Variants in ALDH1A2 observed in about 807,000 individuals in gnomAD.
The protein encoded by ALDH1A2 is aldehyde dehydrogenase 1 family member A2, also known as retinal dehydrogenase 2.
Under a neutral mutation model 60.3 loss-of-function variants are expected in ALDH1A2, and 27 were observed. The observed-to-expected ratio is 0.45, with a 90% confidence interval of 0.33 to 0.62. ALDH1A2 has a LOEUF of 0.62. Among genes scored for constraint, ALDH1A2 ranks in the 20% least tolerant of loss-of-function variants. The pLI is 0.02. For synonymous variants in ALDH1A2, 289 were observed against 232.4 expected, an observed-to-expected ratio of 1.24 and a Z score of -2.21; for missense variants, 581 against 643.8, an observed-to-expected ratio of 0.90 and a Z score of 1.06.
At chr15:57,994,540 C>G (rs1360018547) in intron 5 of ALDH1A2, among the ~76,000 whole-genome samples, 6 of 152,104 alleles carry the variant, frequency 3.9e-5, no homozygotes, top group African/African-American at 1.4e-4. Flanking sequence ...TGTTCCAATC[C>G]AAACACTAAG....
At chr15:57,992,003 T>C (rs934860163) in intron 7 of ALDH1A2, among the ~76,000 whole-genome samples, 4 of 152,224 alleles carry the variant, frequency 2.6e-5, no homozygotes, top group African/African-American at 9.6e-5. Flanking sequence ...CCCTGCTGTT[T>C]TGGTATGGCC....
rs1326368724 is a variant in ALDH1A2 at position 57,963,971 on chromosome 15, C to T, written c.1000G>A (p.Glu334Lys). 8.1e-6 allele frequency: 13 copies of T among 1,614,184 alleles called. No homozygotes were observed. The highest frequency in any genetic ancestry group is 1.1e-5 in the Non-Finnish European group (13 of 1,180,016). Residue 334 changes from glutamate to lysine, a missense_variant, in exon 9 of 13, where the codon GAG becomes AAG. By Grantham distance (56) the Glu-to-Lys change is moderately conservative. Coordinates refer to ENST00000249750, the MANE Select transcript of ALDH1A2 (RefSeq NM_003888.4). ...SRIFVEESIY[E>K]EFVRRSVERA... is the part of the protein sequence containing the mutation. ...TCCACGCTTCTTCTCACAAACTCCT[C>T]ATAGATGGACTCCTCCACGAAGATG... is the stretch of plus-strand genomic sequence containing the variant.
intron 1 of ALDH1A2, among the ~76,000 whole-genome samples, chr15:58,058,717 A>C (rs756720265): frequency 4.0e-4 from 61 of 152,200 alleles, no homozygotes; most frequent in Non-Finnish European, 8.2e-4. Flanking sequence ...TGATAAAGAA[A>C]TACTACTTTG....
chr15:57,972,161 GAC>G, intron 7 of ALDH1A2, among the ~76,000 whole-genome samples: 1 of 143,750 alleles, frequency 7.0e-6, no homozygotes, highest in East Asian at 2.0e-4. Context: ...GACAAGACAA[GAC>G]TCACAGAGGT....
At chr15:57,975,870 CAT>C (rs1402229450) in intron 7 of ALDH1A2, among the ~76,000 whole-genome samples, 2 of 151,910 alleles carry the variant, frequency 1.3e-5, no homozygotes, top group Non-Finnish European at 2.9e-5. Flanking sequence ...CACTAGGAAA[CAT>C]GTGAGGGTGA....
chr15:57,959,005 C>G (rs1687809701), intron 12 of ALDH1A2, among the ~76,000 whole-genome samples: 1 of 152,172 alleles, frequency 6.6e-6, no homozygotes, highest in South Asian at 2.1e-4. Context: ...TAGAGCCAAA[C>G]TGTCTCCTGG....
At chr15:57,964,137 C>T in intron 8 of ALDH1A2, 68 bp from the exon 9 acceptor site, 1 of 1,554,016 alleles carries the variant, frequency 6.4e-7, no homozygotes, top group Non-Finnish European at 8.8e-7. Flanking sequence ...AAGCCGCCTC[C>T]CTCCCCTCTC....
intron 7 of ALDH1A2, among the ~76,000 whole-genome samples, chr15:57,987,222 A>T (rs1311419036): frequency 6.6e-6 from 1 of 152,162 alleles, no homozygotes; most frequent in Non-Finnish European, 1.5e-5. Context: ...ACATATCTGT[A>T]AACAGAAGGC....
At chr15:58,014,938 TCTCC>T (rs1786054911) in intron 1 of ALDH1A2, among the ~76,000 whole-genome samples, 1 of 152,158 alleles carries the variant, frequency 6.6e-6, no homozygotes, top group South Asian at 2.1e-4. Flanking sequence ...AAAGGCTTGG[TCTCC>T]CTATGTATGA....
intron 1 of ALDH1A2, among the ~76,000 whole-genome samples, chr15:58,021,367 A>T (rs1181241813): frequency 1.3e-5 from 2 of 152,186 alleles, no homozygotes; most frequent in African/African-American, 4.8e-5. Context: ...AAGCACCAAA[A>T]GTAAGAAAAG....
At chr15:57,961,362 T>C (rs1369028008) in intron 10 of ALDH1A2, 68 bp from the exon 11 acceptor site, 5 of 1,564,284 alleles carry the variant, frequency 3.2e-6, no homozygotes, top group Non-Finnish European at 4.4e-6. Flanking sequence ...CACATTTCAA[T>C]GCAAGTTTAC....
chr15:57,968,936 C>T (rs566833063), intron 7 of ALDH1A2, among the ~76,000 whole-genome samples: 2 of 152,364 alleles, frequency 1.3e-5, no homozygotes, highest in South Asian at 4.1e-4. Context: ...ATTTTCCTTG[C>T]ATCAATGCTT....
At chr15:57,992,184 G>A (rs994742779) in intron 7 of ALDH1A2, among the ~76,000 whole-genome samples, 1 of 152,122 alleles carries the variant, frequency 6.6e-6, no homozygotes, top group Non-Finnish European at 1.5e-5. Flanking sequence ...TGATACTATG[G>A]CATGGCTGAG....
chr15:57,983,533 T>C (rs1207520641), intron 7 of ALDH1A2, among the ~76,000 whole-genome samples: 2 of 152,204 alleles, frequency 1.3e-5, no homozygotes, highest in Non-Finnish European at 2.9e-5. Context: ...CTTAAAATAC[T>C]TTTATCTTTG....
chr15:57,985,161 C>T (rs2140480152), intron 7 of ALDH1A2, among the ~76,000 whole-genome samples: 1 of 152,244 alleles, frequency 6.6e-6, no homozygotes, highest in Non-Finnish European at 1.5e-5. Context: ...CCTTGATGTG[C>T]ATATTATTTC....
chr15:57,973,411 G>T (rs1894135764), intron 7 of ALDH1A2, among the ~76,000 whole-genome samples: 1 of 152,138 alleles, frequency 6.6e-6, no homozygotes, highest in Non-Finnish European at 1.5e-5. Context: ...AACTGTTCCA[G>T]ACACTTTGTA....
chr15:57,961,440 C>G (rs1050272525), intron 10 of ALDH1A2, 146 bp from the exon 11 acceptor site: 2 of 1,039,360 alleles, frequency 1.9e-6, no homozygotes, highest in Admixed American at 2.0e-5. Context: ...CCAACCTTTC[C>G]TAGGATAAGA....
intron 12 of ALDH1A2, among the ~76,000 whole-genome samples, chr15:57,959,606 C>T (rs1334665592): frequency 6.6e-6 from 1 of 152,106 alleles, no homozygotes; most frequent in Non-Finnish European, 1.5e-5. Flanking sequence ...TGGATGTTTG[C>T]ATACTTAATC....
At chr15:57,981,753 T>C (rs1314717109) in intron 7 of ALDH1A2, among the ~76,000 whole-genome samples, 1 of 152,154 alleles carries the variant, frequency 6.6e-6, no homozygotes, top group East Asian at 1.9e-4. Flanking sequence ...TAAAAATAAA[T>C]AGAAAACAAT....
Sources: allele counts gnomAD v4.1 joint callset (sites outside exome capture counted in the v4.1 genomes callset), GRCh38; gene constraint gnomAD v4.1.1; transcripts MANE v1.5; gene names NCBI Gene and HGNC (gene_info 2026-07-23, HGNC 2026-07-21).